ADRA1A: variants seen among roughly 807,000 people sequenced by gnomAD.
ADRA1A encodes adrenoceptor alpha 1A, also known as alpha-1A adrenergic receptor.
In ADRA1A, 31 loss-of-function variants were observed where a neutral mutation model predicts 29.6. That is an observed-to-expected ratio of 1.05 (90% CI 0.79 to 1.41). The LOEUF (loss-of-function observed/expected upper bound fraction) is 1.41. Among genes scored for constraint, ADRA1A ranks in the 40% most tolerant of loss-of-function variants. ADRA1A has a pLI of 0.00. For missense variants in ADRA1A, 619 were observed against 601.1 expected (o/e 1.03, Z -0.31); for synonymous variants, 311 against 254.3 (o/e 1.22, Z -2.12).
intron 2 of ADRA1A, among the ~76,000 whole-genome samples, chr8:26,813,527 T>C (rs1809561861): frequency 6.6e-6 from 1 of 151,358 alleles, no homozygotes; most frequent in South Asian, 2.1e-4. Flanking sequence ...CATCCATCCA[T>C]CCATCCACCT....
rs376551781 is a variant in ADRA1A, at chr8:26,760,262, C to A, written c.1270-3483G>T. On this transcript the variant is annotated intron_variant, in intron 2 of 2. Transcript: ENST00000380582. ...AAATGGCATGGGATTTTTCAAGAGG[C>A]ACAAGGTGTGCAGGCCAGGATGCCC... Among the ~76,000 whole-genome samples, 4 of 152,288 alleles carry A rather than the reference C, an allele frequency of 2.6e-5. No homozygotes were observed. In the East Asian group the frequency reaches 5.8e-4, roughly 22 times the overall value.
downstream of ADRA1A, among the ~76,000 whole-genome samples, chr8:26,754,435 G>A (rs1805061513): frequency 6.6e-6 from 1 of 151,988 alleles, no homozygotes; most frequent in African/African-American, 2.4e-5. Context: ...CCTGGAGAAG[G>A]TGGATGTGGT....
intron 2 of ADRA1A, chr8:26,779,549 G>A: frequency 1.7e-6 from 1 of 590,532 alleles, no homozygotes; most frequent in Non-Finnish European, 3.0e-6. Context: ...CAAGCAGGAT[G>A]ATGAAGGAAC....
In ADRA1A at chr8:26,805,574, T is replaced by C. The variant is rs1019150019; in HGVS notation, c.884-34908A>G. On this transcript the variant is annotated intron_variant, in intron 2 of 2. Transcript: ENST00000380573. This position sits in a 1 kb window ranked among gnomAD's most constrained non-coding sequence, Gnocchi z 4.8. ...GAGGATACCAAGACATTAGTGTTAT[T>C]ACAGATTACGAAACAGGCATGAGAG... is the stretch of plus-strand genomic sequence containing the variant. Among the ~76,000 whole-genome samples the C allele has an allele frequency of 6.6e-5, 10 of 152,204 alleles. No homozygotes were observed. The highest frequency in any genetic ancestry group is 2.4e-4 in the African/African-American group (10 of 41,452).
intron 2 of ADRA1A, among the ~76,000 whole-genome samples, chr8:26,820,423 T>G (rs1048318591): frequency 6.6e-6 from 1 of 152,196 alleles, no homozygotes; most frequent in Non-Finnish European, 1.5e-5. Context: ...AATTATTACC[T>G]CAATAGTGCT....
intron 2 of ADRA1A, among the ~76,000 whole-genome samples, chr8:26,853,459 C>G (rs186151396): frequency 6.6e-6 from 1 of 152,178 alleles, no homozygotes; most frequent in Admixed American, 6.5e-5. Context: ...AGGCCTTAAC[C>G]TAGAGAATAT....
chr8:26,865,159 A>G lies in ADRA1A; in HGVS notation c.-190T>C. 7.0e-7 allele frequency: 1 copy of G among 1,430,448 alleles called. No homozygotes were observed. 88.6% of individuals were successfully genotyped at this position (1,430,448 alleles called of 1,614,324 possible). A position where few individuals can be genotyped will look rare whatever the true frequency, so the allele number is the denominator to read the frequency against. On this transcript the variant is annotated 5_prime_UTR_variant, in exon 2 of 3. Transcript: ENST00000380573. The surrounding 1 kb of genome is among the most constrained non-coding windows in gnomAD (Gnocchi z 7.6). ...CTGGCCAGCCCTGGGAACCCTCAGAAGGCCACATGAAGGGGCAGGGCATTA... is the reference window on the plus strand; with the variant it reads ...CTGGCCAGCCCTGGGAACCCTCAGAGGGCCACATGAAGGGGCAGGGCATTA...
chr8:26,777,235 GA>G (rs1806616056), intron 2 of ADRA1A, among the ~76,000 whole-genome samples: 1 of 152,214 alleles, frequency 6.6e-6, no homozygotes, highest in Non-Finnish European at 1.5e-5. Context: ...GGCTCTCTAA[GA>G]AGGTGGTCAG....
intron 2 of ADRA1A, chr8:26,836,189 G>T: frequency 4.0e-6 from 1 of 248,270 alleles, no homozygotes; most frequent in Non-Finnish European, 8.8e-6. Context: ...TGTCAAAAGG[G>T]GCAGTCTTGT....
chr8:26,842,518 C>T (rs1811893597), intron 2 of ADRA1A, among the ~76,000 whole-genome samples: 1 of 152,078 alleles, frequency 6.6e-6, no homozygotes, highest in South Asian at 2.1e-4. Context: ...TTGAAATATC[C>T]CTGTTCTCTC....
In ADRA1A at chr8:26,796,333, A is replaced by G. The variant is rs1356259631; in HGVS notation, c.884-25667T>C. ...AATAAAAGCACATAACTAAAAAATA[A>G]CTCACTGATTACCTACAACATTTCG... On this transcript the variant is annotated intron_variant, in intron 2 of 2. Coordinates refer to ENST00000380573, the MANE Select transcript of ADRA1A (RefSeq NM_000680.4). This position sits in a 1 kb window ranked among gnomAD's most constrained non-coding sequence, Gnocchi z 5.0. Among the ~76,000 whole-genome samples the G allele has an allele frequency of 6.6e-6, 1 of 152,224 alleles. No homozygotes were observed.
At chr8:26,762,890 C>G (rs1805583527), downstream of ADRA1A, among the ~76,000 whole-genome samples, 1 of 152,080 alleles carries the variant, frequency 6.6e-6, no homozygotes, top group African/African-American at 2.4e-5. This position sits in a 1 kb window ranked among gnomAD's most constrained non-coding sequence, Gnocchi z 4.0. Flanking sequence ...TTCCTCGTTG[C>G]CCATCAGGAC....
chr8:26,830,311 T>C (rs1406901760), intron 2 of ADRA1A, among the ~76,000 whole-genome samples: 1 of 152,178 alleles, frequency 6.6e-6, no homozygotes, highest in Non-Finnish European at 1.5e-5. Context: ...AACCCTTATT[T>C]CCAAGAAAGG....
intron 2 of ADRA1A, among the ~76,000 whole-genome samples, chr8:26,799,062 G>A (rs981007392): frequency 2.1e-4 from 32 of 152,106 alleles, no homozygotes; most frequent in African/African-American, 7.7e-4. Flanking sequence ...AGCCCCGGAT[G>A]TTGTCAAGAT....
chr8:26,852,405 G>A (rs520180), intron 2 of ADRA1A, among the ~76,000 whole-genome samples: 107,123 of 151,918 alleles, frequency 0.71, 38,154 homozygotes, highest in African/African-American at 0.78. Flanking sequence ...AATGTACTGG[G>A]AAAGAGATTA....
chr8:26,757,668 C>A (rs1281380596), intron 2 of ADRA1A, among the ~76,000 whole-genome samples: 1 of 152,122 alleles, frequency 6.6e-6, no homozygotes, highest in Non-Finnish European at 1.5e-5. Context: ...GTCAAAACGA[C>A]CTCTGTTCAT....
intron 2 of ADRA1A, among the ~76,000 whole-genome samples, 178 bp downstream of exon 2, chr8:26,863,909 A>G (rs1813662635): frequency 6.6e-6 from 1 of 152,238 alleles, no homozygotes; most frequent in Non-Finnish European, 1.5e-5. Context: ...ATGAGACTGG[A>G]GTAGAAAGAG....
chr8:26,858,245 G>A (rs903014316), intron 2 of ADRA1A, among the ~76,000 whole-genome samples: 6 of 152,284 alleles, frequency 3.9e-5, no homozygotes, highest in Non-Finnish European at 7.3e-5. Context: ...CTATAATAAC[G>A]CTGGGTTTTG....
chr8:26,857,393 G>A (rs1813127257), intron 2 of ADRA1A, among the ~76,000 whole-genome samples: 1 of 152,216 alleles, frequency 6.6e-6, no homozygotes, highest in Non-Finnish European at 1.5e-5. Context: ...CTAGCCAGGT[G>A]TGGTGACTCA....
Sources: gnomAD v4.1 joint callset for allele counts (sites outside exome capture counted in the v4.1 genomes callset) on GRCh38, gnomAD v4.1.1 for gene constraint, Gnocchi (gnomAD v3.1) non-coding constraint, MANE v1.5 for transcripts, NCBI Gene and HGNC (gene_info 2026-07-23, HGNC 2026-07-21) for gene names.